ARHGAP24: variants seen among roughly 807,000 people sequenced by gnomAD.
ARHGAP24 encodes the protein Rho GTPase activating protein 24.
ARHGAP24 carries 50 observed loss-of-function variants against 76.4 expected under a neutral mutation model. The observed-to-expected ratio is 0.65, with a 90% CI of 0.52 to 0.83. The LOEUF (loss-of-function observed/expected upper bound fraction) is 0.83, where lower values mean the gene tolerates loss of function less well. Ranked by LOEUF, ARHGAP24 falls within the 40% of genes least tolerant of loss-of-function variation. ARHGAP24 has a pLI of 0.00. For synonymous variants in ARHGAP24, 345 were observed against 323.3 expected (o/e 1.07, Z -0.72); for missense variants, 930 against 914.2 (o/e 1.02, Z -0.22).
chr4:85,774,741 C>T (rs1727249761), intron 3 of ARHGAP24, among the ~76,000 whole-genome samples: 1 of 152,176 alleles, frequency 6.6e-6, no homozygotes, highest in East Asian at 1.9e-4. Context: ...CATTTCCTGT[C>T]ATTCCTAGCT....
chr4:85,588,068 G>A (rs1727931603), intron 2 of ARHGAP24, among the ~76,000 whole-genome samples: 1 of 152,104 alleles, frequency 6.6e-6, no homozygotes, highest in South Asian at 2.1e-4. Flanking sequence ...TGGGCTGAGG[G>A]GATAACATGC....
At chr4:85,617,960 A>C (rs1182570025) in intron 2 of ARHGAP24, among the ~76,000 whole-genome samples, 1 of 152,224 alleles carries the variant, frequency 6.6e-6, no homozygotes, top group Non-Finnish European at 1.5e-5. Flanking sequence ...TAATTAATAC[A>C]TCCACCTCCT....
Position 85,733,060 on chromosome 4 carries a change from CTTTT to C in ARHGAP24, c.268+11106_268+11109del, listed in dbSNP as rs1210109366. ...CTATAGATCTTATAGGCCTCACCAA[CTTTT>C]TTTTTTTTTTTTTTTTTGAGATGGA... On this transcript the variant is annotated intron_variant, in intron 3 of 9. Transcript: ENST00000395184. 1.6e-4 allele frequency among the ~76,000 whole-genome samples: 9 copies of C among 55,206 alleles called. 2 individuals carry two copies. Among genetic ancestry groups the C allele is most frequent in the African/African-American group, 3.8e-4 (6 of 15,662 alleles). The allele number at this position is 55,206 out of a possible 152,430, so 36.2% of individuals were successfully genotyped here.
At chr4:85,936,124 C>T (rs13149606) in intron 4 of ARHGAP24, among the ~76,000 whole-genome samples, 30,591 of 151,950 alleles carry the variant, frequency 0.2, 3,330 homozygotes, top group South Asian at 0.39. Flanking sequence ...CTGGTGATAC[C>T]AGGATTTATC....
In ARHGAP24 at chr4:85,859,576, C is replaced by T. The variant is rs1296130466; in HGVS notation, c.269-64072C>T. On this transcript the variant is annotated intron_variant, in intron 3 of 9. Coordinates refer to ENST00000395184, the MANE Select transcript of ARHGAP24 (RefSeq NM_001025616.3). ...TATAAATAAGCCACATATTTCTTCT[C>T]CTCATGATTTTAATGTGATATTTAG... 4.6e-5 allele frequency among the ~76,000 whole-genome samples: 7 copies of T among 152,018 alleles called. No individual in the cohort carries two copies. In the East Asian group the frequency reaches 1.3e-3, roughly 29 times the overall value.
At chr4:85,854,445 C>T (rs1731441623) in intron 3 of ARHGAP24, among the ~76,000 whole-genome samples, 1 of 152,128 alleles carries the variant, frequency 6.6e-6, no homozygotes, top group African/African-American at 2.4e-5. Context: ...AGCACATTGT[C>T]AATTTGTTTT....
At chr4:85,793,825 T>G (rs1426602827) in intron 3 of ARHGAP24, among the ~76,000 whole-genome samples, 1 of 152,202 alleles carries the variant, frequency 6.6e-6, no homozygotes, top group African/African-American at 2.4e-5. Context: ...CAGTGCCTTC[T>G]TTTTGATTAT....
chr4:85,932,546 G>C (rs113186811), intron 4 of ARHGAP24, among the ~76,000 whole-genome samples: 1 of 151,292 alleles, frequency 6.6e-6, no homozygotes, highest in Non-Finnish European at 1.5e-5. Flanking sequence ...AATACTAAGC[G>C]GGGAAGGCAG....
intron 3 of ARHGAP24, among the ~76,000 whole-genome samples, chr4:85,853,220 T>C (rs549252996): frequency 6.6e-6 from 1 of 152,284 alleles, no homozygotes; most frequent in Admixed American, 6.5e-5. Flanking sequence ...CGCCTGGCAG[T>C]TCAATCTCAG....
chr4:85,684,833 C>T (rs1191778200), intron 2 of ARHGAP24, among the ~76,000 whole-genome samples: 1 of 152,140 alleles, frequency 6.6e-6, no homozygotes, highest in Non-Finnish European at 1.5e-5. Context: ...AACAGAGAGT[C>T]TGAGAGTCAT....
At chr4:85,957,072 T>C (rs1737961651) in intron 5 of ARHGAP24, among the ~76,000 whole-genome samples, 1 of 152,162 alleles carries the variant, frequency 6.6e-6, no homozygotes, top group South Asian at 2.1e-4. Flanking sequence ...TACTATCTGA[T>C]TGGTCAGGTG....
At chr4:85,659,686 C>T (rs1175384291) in intron 2 of ARHGAP24, among the ~76,000 whole-genome samples, 2 of 152,132 alleles carry the variant, frequency 1.3e-5, no homozygotes, top group Non-Finnish European at 2.9e-5. Flanking sequence ...GTTGTAATTA[C>T]TATGTTTCCT....
At chr4:85,873,445 G>GTGTAGCAGCTGA (rs1474290459) in intron 3 of ARHGAP24, among the ~76,000 whole-genome samples, 6 of 152,108 alleles carry the variant, frequency 3.9e-5, no homozygotes, top group Admixed American at 6.6e-5. Context: ...AGCAAATACT[G>GTGTAGCAGCTGA]GGAATTATCT....
chr4:85,836,803 A>G (rs1041751496), intron 3 of ARHGAP24, among the ~76,000 whole-genome samples: 1 of 152,226 alleles, frequency 6.6e-6, no homozygotes, highest in Non-Finnish European at 1.5e-5. Context: ...GACTAGCAGC[A>G]TCAGTATCCT....
rs1467650532 is a variant in ARHGAP24 at position 85,840,930 on chromosome 4, T to C, written c.269-82718T>C. On this transcript the variant is annotated intron_variant, in intron 3 of 9. Coordinates refer to ENST00000395184, the MANE Select transcript of ARHGAP24 (RefSeq NM_001025616.3). The stretch of plus-strand genomic sequence containing the variant: ...TTTTAGGTATCTTACTTGAATTTAG[T>C]CTCTTCTTTTTGAATTTGGTCAATA... Among the ~76,000 whole-genome samples, 3 of 152,320 alleles carry C rather than the reference T, an allele frequency of 2.0e-5. No individual in the cohort carries two copies. The East Asian group carries it at 5.8e-4, about 29-fold the overall frequency.
Position 85,711,140 on chromosome 4 carries a change from G to A in ARHGAP24, c.181-10745G>A, listed in dbSNP as rs189878971. Among the ~76,000 whole-genome samples the A allele has an allele frequency of 1.0e-3, 156 of 152,206 alleles. 1 individual carries two copies. The highest frequency in any genetic ancestry group is 3.7e-3 in the African/African-American group (153 of 41,534). On this transcript the variant is annotated intron_variant, in intron 2 of 9. Transcript: ENST00000395184. Reference sequence around the variant, plus strand: ...AGATCATTATCCTTAGAAAACTAATGCAGGAGCAGAAAACCAAATACCAGA... The same window carrying A: ...AGATCATTATCCTTAGAAAACTAATACAGGAGCAGAAAACCAAATACCAGA...
chr4:85,719,080 T>C (rs997329358), intron 2 of ARHGAP24, among the ~76,000 whole-genome samples: 44 of 152,250 alleles, frequency 2.9e-4, no homozygotes, highest in African/African-American at 8.7e-4. Context: ...AATCACAAAA[T>C]GAATTACTTC....
At chr4:85,677,275 T>G (rs1299151658) in intron 2 of ARHGAP24, among the ~76,000 whole-genome samples, 2 of 152,184 alleles carry the variant, frequency 1.3e-5, no homozygotes, top group Non-Finnish European at 2.9e-5. Flanking sequence ...GTACAGAAAT[T>G]TATCTTGTAG....
chr4:85,940,363 G>A (rs1303964859), intron 4 of ARHGAP24, among the ~76,000 whole-genome samples: 2 of 151,814 alleles, frequency 1.3e-5, no homozygotes, highest in African/African-American at 2.4e-5. Flanking sequence ...ACTGTAACAA[G>A]AGCCAGTATC....
Sources: gnomAD v4.1 joint callset for allele counts (sites outside exome capture counted in the v4.1 genomes callset) on GRCh38, gnomAD v4.1.1 for gene constraint, MANE v1.5 for transcripts, NCBI Gene and HGNC (gene_info 2026-07-23, HGNC 2026-07-21) for gene names.